FHIT: variants seen among roughly 807,000 people sequenced by gnomAD.
FHIT encodes bis(5'-adenosyl)-triphosphatase.
FHIT carries 19 observed loss-of-function variants against 17.9 expected under a neutral mutation model. The ratio of observed to expected loss-of-function variants is 1.06; its 90% CI spans 0.74 to 1.56. FHIT has a LOEUF of 1.56. FHIT is among the 40% of genes most tolerant of loss of function. The pLI, the probability that FHIT is intolerant of heterozygous loss-of-function variation, is 0.00. For missense variants in FHIT, 248 were observed against 189.2 expected, an observed-to-expected ratio of 1.31 and a Z score of -1.82; for synonymous variants, 81 against 69.7, an observed-to-expected ratio of 1.16 and a Z score of -0.81.
At chr3:60,578,309 C>T (rs1258985216) in intron 4 of FHIT, among the ~76,000 whole-genome samples, 1 of 151,846 alleles carries the variant, frequency 6.6e-6, no homozygotes. Flanking sequence ...TGGTGGTGTG[C>T]ACTTGTAGTC....
chr3:59,844,261 C>T (rs910368862), intron 8 of FHIT, among the ~76,000 whole-genome samples: 1 of 152,088 alleles, frequency 6.6e-6, no homozygotes, highest in Admixed American at 6.6e-5. Flanking sequence ...AATTTAATTT[C>T]TTCATTTTCA....
At chr3:60,415,990 TG>T (rs1702235116) in intron 5 of FHIT, among the ~76,000 whole-genome samples, 1 of 150,386 alleles carries the variant, frequency 6.6e-6, no homozygotes, top group Non-Finnish European at 1.5e-5. Context: ...TTGAATCATT[TG>T]GCATAGTACC....
At position 60,167,455 on chromosome 3, in the gene FHIT, C is replaced by A. The variant is rs769233266; in HGVS notation, c.104-153303G>T. ...ATATTTGCATTTTGCAGTTTAGACT[C>A]TTAATTACCAATAGAGGAAACTCAG... On this transcript the variant is annotated intron_variant, in intron 5 of 9. Coordinates refer to ENST00000492590, the MANE Select transcript of FHIT (RefSeq NM_002012.4). Among the ~76,000 whole-genome samples, 17 of 152,162 alleles carry A rather than the reference C, an allele frequency of 1.1e-4. 1 individual carries two copies. The highest frequency in any genetic ancestry group is 2.9e-5 in the Non-Finnish European group (2 of 68,032).
At chr3:60,663,168 A>ATATATAT (rs1553691642) in intron 4 of FHIT, among the ~76,000 whole-genome samples, 1 of 139,528 alleles carries the variant, frequency 7.2e-6, no homozygotes, top group South Asian at 2.3e-4. Context: ...ATATCTCTTT[A>ATATATAT]ATGTTGGGTT....
chr3:60,154,919 G>T (rs115211879), intron 5 of FHIT, among the ~76,000 whole-genome samples: 15 of 152,238 alleles, frequency 9.9e-5, no homozygotes, highest in African/African-American at 3.4e-4. Context: ...ATAAGGACCA[G>T]GCACGATGGC....
intron 5 of FHIT, among the ~76,000 whole-genome samples, chr3:60,413,394 G>A (rs183271200): frequency 4.7e-4 from 72 of 152,250 alleles, no homozygotes; most frequent in African/African-American, 1.6e-3. Flanking sequence ...ACCATGCAAC[G>A]ACTTCCCTGA....
intron 4 of FHIT, chr3:60,553,334 G>T (rs979446040): frequency 1.8e-5 from 16 of 883,496 alleles, no homozygotes; most frequent in Admixed American, 6.3e-5. Flanking sequence ...ACCTACCTAT[G>T]ACTCAAGTGA....
chr3:60,033,254 G>C (rs981057089), intron 5 of FHIT, among the ~76,000 whole-genome samples: 2 of 152,152 alleles, frequency 1.3e-5, no homozygotes, highest in Non-Finnish European at 2.9e-5. Flanking sequence ...TGAGCACTTT[G>C]AGAGGCTGAG....
At chr3:61,150,262 A>G (rs1015337118) in intron 2 of FHIT, among the ~76,000 whole-genome samples, 4 of 151,778 alleles carry the variant, frequency 2.6e-5, no homozygotes, top group African/African-American at 9.7e-5. Flanking sequence ...GTAGTGATCA[A>G]TGGGGTTTGT....
At chr3:61,081,797 T>TCCAA (rs2035146508) in intron 2 of FHIT, among the ~76,000 whole-genome samples, 1 of 152,226 alleles carries the variant, frequency 6.6e-6, no homozygotes, top group East Asian at 1.9e-4. Context: ...TGACAGTATT[T>TCCAA]CCAAATAAGG....
intron 2 of FHIT, among the ~76,000 whole-genome samples, chr3:61,150,672 A>G (rs953427525): frequency 3.3e-5 from 5 of 152,172 alleles, no homozygotes; most frequent in African/African-American, 1.2e-4. Flanking sequence ...TTTTCACTGA[A>G]TTTTTCAGAA....
At chr3:59,929,352 T>C (rs1705838712) in intron 7 of FHIT, among the ~76,000 whole-genome samples, 1 of 147,658 alleles carries the variant, frequency 6.8e-6, no homozygotes. Context: ...TCTTCACGTA[T>C]TGTTTTTTTG....
intron 2 of FHIT, among the ~76,000 whole-genome samples, chr3:61,050,926 A>G (rs1243634741): frequency 6.6e-6 from 1 of 152,184 alleles, no homozygotes; most frequent in African/African-American, 2.4e-5. Context: ...TCTTCTAAGA[A>G]TGCTCCAATA....
intron 5 of FHIT, among the ~76,000 whole-genome samples, chr3:60,172,432 A>C (rs1701462674): frequency 2.0e-5 from 3 of 149,000 alleles, no homozygotes; most frequent in African/African-American, 7.7e-5. Context: ...CGCCTGGCTA[A>C]TTTTGTATTT....
chr3:60,705,395 T>C (rs2041348564), intron 4 of FHIT, among the ~76,000 whole-genome samples: 1 of 152,084 alleles, frequency 6.6e-6, no homozygotes, highest in African/African-American at 2.4e-5. Flanking sequence ...GCTAATGAAG[T>C]GAAGGCTTGT....
chr3:60,919,235 G>A (rs562386214), intron 3 of FHIT, among the ~76,000 whole-genome samples: 17 of 152,254 alleles, frequency 1.1e-4, no homozygotes, highest in South Asian at 2.1e-4. Flanking sequence ...AAACACACGC[G>A]TTATATTTGA....
At chr3:60,750,749 G>A (rs2042449700) in intron 4 of FHIT, among the ~76,000 whole-genome samples, 2 of 152,104 alleles carry the variant, frequency 1.3e-5, no homozygotes, top group Non-Finnish European at 2.9e-5. Context: ...CTCTGCTCCT[G>A]CAAATAAAGT....
chr3:59,885,762 C>G (rs543557582), intron 8 of FHIT, among the ~76,000 whole-genome samples: 2 of 152,134 alleles, frequency 1.3e-5, no homozygotes, highest in Non-Finnish European at 2.9e-5. Flanking sequence ...AGGACATGAG[C>G]GCTGCTTTCA....
At chr3:61,204,272 G>C (rs1192154563) in intron 1 of FHIT, among the ~76,000 whole-genome samples, 1 of 152,170 alleles carries the variant, frequency 6.6e-6, no homozygotes, top group African/African-American at 2.4e-5. Context: ...TACGTGAGAG[G>C]AATGGGGGGG....
Sources: gnomAD v4.1 joint callset for allele counts (sites outside exome capture counted in the v4.1 genomes callset) on GRCh38, gnomAD v4.1.1 for gene constraint, MANE v1.5 for transcripts, NCBI Gene and HGNC (gene_info 2026-07-23, HGNC 2026-07-21) for gene names.